Variants in RNF144A observed in about 807,000 individuals in gnomAD.
The protein encoded by RNF144A is ring finger protein 144A, also known as E3 ubiquitin-protein ligase RNF144A.
A neutral mutation model predicts 38.7 loss-of-function variants in RNF144A; 11 were observed. The observed-to-expected ratio is 0.28, with a 90% CI of 0.18 to 0.47. RNF144A has a LOEUF of 0.47. Ranked by LOEUF, RNF144A falls within the 20% of genes least tolerant of loss-of-function variation. The pLI is 0.99. For synonymous variants in RNF144A, 149 were observed against 143.9 expected (o/e 1.04, Z -0.25); for missense variants, 316 against 377.2 (o/e 0.84, Z 1.34).
At chr2:7,011,739 C>T (rs989783372) in intron 3 of RNF144A, among the ~76,000 whole-genome samples, 1 of 152,214 alleles carries the variant, frequency 6.6e-6, no homozygotes, top group African/African-American at 2.4e-5. Flanking sequence ...CATTTCAAGA[C>T]ATCTTTTTGC....
chr2:6,971,601 A>C (rs1229063834), intron 2 of RNF144A, among the ~76,000 whole-genome samples: 2 of 152,156 alleles, frequency 1.3e-5, no homozygotes, highest in Non-Finnish European at 2.9e-5. Flanking sequence ...AACATGGGGC[A>C]ATCAGTTATT....
At chr2:7,002,928 G>A (rs977807995) in intron 3 of RNF144A, among the ~76,000 whole-genome samples, 2 of 152,060 alleles carry the variant, frequency 1.3e-5, no homozygotes, top group African/African-American at 4.8e-5. Flanking sequence ...CAGTGACATG[G>A]ATGATCCTGA....
At chr2:7,018,571 GCCCCAGGCAT>G (rs1377914384) in intron 5 of RNF144A, among the ~76,000 whole-genome samples, 3 of 152,248 alleles carry the variant, frequency 2.0e-5, no homozygotes, top group Non-Finnish European at 4.4e-5. Context: ...GCTCAGGGGA[GCCCCAGGCAT>G]CTGCCCCCAC....
intron 3 of RNF144A, among the ~76,000 whole-genome samples, chr2:6,999,770 T>C (rs533179533): frequency 6.6e-6 from 1 of 152,336 alleles, no homozygotes; most frequent in East Asian, 1.9e-4. Flanking sequence ...CTTCTAAGTT[T>C]GGGTTTAGAA....
intron 2 of RNF144A, among the ~76,000 whole-genome samples, chr2:6,993,430 A>G (rs1374687670): frequency 2.0e-5 from 3 of 152,206 alleles, no homozygotes; most frequent in South Asian, 2.1e-4. Context: ...GGAGGTCACA[A>G]CAGAGAGGCA....
chr2:7,040,444 A>T lies in RNF144A; in HGVS notation c.*684A>T. On this transcript the variant is annotated 3_prime_UTR_variant, in exon 9 of 9. Transcript: ENST00000320892. ...TGAACGCTGTAAGCTGTGTACTGTTATAAGTGTGCTTCCTATATTGTTGCA... is the reference window on the plus strand; with the variant it reads ...TGAACGCTGTAAGCTGTGTACTGTTTTAAGTGTGCTTCCTATATTGTTGCA... 1.0e-6 allele frequency: 1 copy of T among 985,384 alleles called. No individual in the cohort carries two copies. The highest frequency in any genetic ancestry group is 1.2e-6 in the Non-Finnish European group (1 of 829,894). The allele number at this position is 985,384 out of a possible 1,614,324, so 61.0% of individuals were successfully genotyped here.
intron 5 of RNF144A, among the ~76,000 whole-genome samples, chr2:7,017,047 A>G (rs1035808542): frequency 2.0e-4 from 31 of 152,206 alleles, no homozygotes; most frequent in African/African-American, 7.5e-4. Context: ...CTCACTCCAG[A>G]GTCTGGGTAG....
chr2:6,948,198 C>G (rs1040136199), intron 2 of RNF144A, among the ~76,000 whole-genome samples: 1 of 152,150 alleles, frequency 6.6e-6, no homozygotes, highest in Non-Finnish European at 1.5e-5. Context: ...GAGGAGAATA[C>G]TCTGATGGTG....
intron 8 of RNF144A, among the ~76,000 whole-genome samples, chr2:7,034,814 G>A (rs1271327885): frequency 6.6e-6 from 1 of 152,226 alleles, no homozygotes; most frequent in African/African-American, 2.4e-5. Context: ...AGGACAGTGT[G>A]AGCGGAGGCA....
chr2:7,011,630 C>G (rs979153825), intron 3 of RNF144A, among the ~76,000 whole-genome samples: 3 of 152,326 alleles, frequency 2.0e-5, no homozygotes, highest in Admixed American at 2.0e-4. Context: ...CATTTGTCTA[C>G]TGCTATCTAT....
chr2:6,969,109 A>G (rs1211180455), intron 2 of RNF144A, among the ~76,000 whole-genome samples: 4 of 152,200 alleles, frequency 2.6e-5, no homozygotes, highest in Non-Finnish European at 4.4e-5. Flanking sequence ...TAGTGCATCA[A>G]TGCCATTACA....
chr2:6,960,968 G>A (rs772366967), intron 2 of RNF144A, among the ~76,000 whole-genome samples: 1 of 152,082 alleles, frequency 6.6e-6, no homozygotes, highest in Non-Finnish European at 1.5e-5. Context: ...TTGTGTGTGC[G>A]TGTGTGTGTA....
chr2:7,007,863 T>C (rs1670551771), intron 3 of RNF144A, among the ~76,000 whole-genome samples: 1 of 152,194 alleles, frequency 6.6e-6, no homozygotes, highest in Non-Finnish European at 1.5e-5. Context: ...CACCACCGCT[T>C]CTCTTGCAGC....
At chr2:6,971,718 A>C (rs1351418376) in intron 2 of RNF144A, among the ~76,000 whole-genome samples, 1 of 152,122 alleles carries the variant, frequency 6.6e-6, no homozygotes, top group Non-Finnish European at 1.5e-5. Context: ...ACATCAGATG[A>C]AGTCTTGGAC....
intron 8 of RNF144A, among the ~76,000 whole-genome samples, chr2:7,033,696 C>T (rs1672473368): frequency 6.6e-6 from 1 of 152,228 alleles, no homozygotes; most frequent in South Asian, 2.1e-4. Context: ...AGAGCCCTCC[C>T]TCCCATGTGG....
At position 7,049,220 on chromosome 2, in the gene RNF144A, G is replaced by A. The variant is rs113006997; in HGVS notation, c.735-18996G>A. Among the ~76,000 whole-genome samples the A allele has an allele frequency of 4.4e-3, 672 of 152,210 alleles. 4 individuals are homozygous for A. Among genetic ancestry groups the A allele is most frequent in the African/African-American group, 0.016 (649 of 41,552 alleles). On this transcript the variant is annotated intron_variant, in intron 6 of 6. Coordinates refer to the RNF144A transcript ENST00000432850. ...GGCCTTCCAGGCAGAGGAGGGTAAGGGATGAGAAACAGAGATATGAAGGTA... is the reference window on the plus strand; with the variant it reads ...GGCCTTCCAGGCAGAGGAGGGTAAGAGATGAGAAACAGAGATATGAAGGTA...
At chr2:6,925,718 C>G (rs781122258) in intron 1 of RNF144A, among the ~76,000 whole-genome samples, 38 of 152,180 alleles carry the variant, frequency 2.5e-4, no homozygotes, top group Non-Finnish European at 3.8e-4. Context: ...CTCACAAGGA[C>G]TTCAGTCATG....
intron 1 of RNF144A, among the ~76,000 whole-genome samples, chr2:6,940,637 T>C (rs1665906723): frequency 6.6e-6 from 1 of 152,202 alleles, no homozygotes. Flanking sequence ...CACCTCTCTC[T>C]ATAGGAGACT....
At chr2:6,921,992 G>A (rs10495547) in intron 1 of RNF144A, among the ~76,000 whole-genome samples, 39,365 of 152,124 alleles carry the variant, frequency 0.26, 5,737 homozygotes, top group South Asian at 0.39. Context: ...CCAGATTTCC[G>A]TGTGTAATAC....
Sources: allele counts gnomAD v4.1 joint callset (sites outside exome capture counted in the v4.1 genomes callset), GRCh38; gene constraint gnomAD v4.1.1; transcripts MANE v1.5; gene names NCBI Gene and HGNC (gene_info 2026-07-23, HGNC 2026-07-21).